NTM: variants seen among roughly 807,000 people sequenced by gnomAD.
NTM encodes neurotrimin, also known as IgLON family member 2.
Under a neutral mutation model 42.1 loss-of-function variants are expected in NTM, and 13 were observed. That is an observed-to-expected ratio of 0.31 (90% confidence interval 0.20 to 0.49). The LOEUF (loss-of-function observed/expected upper bound fraction) is 0.49, where lower values mean the gene tolerates loss of function less well. Among genes scored for constraint, NTM ranks in the 20% least tolerant of loss-of-function variants. The pLI is 0.99. For missense variants in NTM, 373 were observed against 452.8 expected (o/e 0.82, Z 1.60); for synonymous variants, 187 against 179.2 (o/e 1.04, Z -0.35).
At chr11:132,298,255 A>G (rs2094699790) in intron 4 of NTM, among the ~76,000 whole-genome samples, 1 of 152,234 alleles carries the variant, frequency 6.6e-6, no homozygotes, top group Non-Finnish European at 1.5e-5. Flanking sequence ...GCGGAGTGCT[A>G]TATTTATCCC....
chr11:131,490,148 G>A lies in NTM; in HGVS notation c.82+119260G>A, dbSNP rs151024805. On this transcript the variant is annotated intron_variant, in intron 1 of 8. Transcript: ENST00000683400. ...CTCACTACCGGGAGAATGACACCAA[G>A]TCATTCATGAGGGAACCATCCCTAT... is the stretch of plus-strand genomic sequence containing the variant. Among the ~76,000 whole-genome samples, 4 of 152,270 alleles carry A rather than the reference G, an allele frequency of 2.6e-5. No homozygotes were observed. The East Asian group carries it at 7.7e-4, about 29-fold the overall frequency.
At chr11:131,477,169 A>AATTTGT (rs1258995667) in intron 1 of NTM, among the ~76,000 whole-genome samples, 2 of 152,158 alleles carry the variant, frequency 1.3e-5, no homozygotes, top group African/African-American at 4.8e-5. Context: ...TCCATGTAAG[A>AATTTGT]ATCACATCTA....
chr11:131,945,934 G>A (rs1488010280), intron 2 of NTM, among the ~76,000 whole-genome samples: 1 of 152,208 alleles, frequency 6.6e-6, no homozygotes, highest in African/African-American at 2.4e-5. Flanking sequence ...CAGGCGGATA[G>A]TATATTCCAT....
intron 1 of NTM, among the ~76,000 whole-genome samples, chr11:131,528,715 A>G (rs1425242396): frequency 6.6e-6 from 1 of 152,184 alleles, no homozygotes; most frequent in East Asian, 1.9e-4. Flanking sequence ...CAGAGTAAGT[A>G]TTCAGTAAGT....
intron 1 of NTM, among the ~76,000 whole-genome samples, chr11:131,824,459 G>C (rs1056241508): frequency 6.6e-6 from 1 of 152,166 alleles, no homozygotes; most frequent in African/African-American, 2.4e-5. Context: ...GATAATAAAA[G>C]GTAATGCGGC....
intron 4 of NTM, among the ~76,000 whole-genome samples, chr11:132,276,114 G>T (rs532535102): frequency 2.3e-4 from 35 of 151,876 alleles, no homozygotes; most frequent in African/African-American, 8.5e-4. Context: ...TCTGTGTCTG[G>T]CTTATTTCAC....
At chr11:131,928,888 G>C (rs978253893) in intron 2 of NTM, among the ~76,000 whole-genome samples, 2 of 152,214 alleles carry the variant, frequency 1.3e-5, no homozygotes, top group African/African-American at 4.8e-5. Context: ...CAGCAAGTCA[G>C]GTGAAAATCC....
chr11:131,445,157 T>C (rs1391273402), intron 1 of NTM, among the ~76,000 whole-genome samples: 1 of 152,234 alleles, frequency 6.6e-6, no homozygotes, highest in Non-Finnish European at 1.5e-5. Flanking sequence ...AATATTTAAC[T>C]TTCCTCCCAA....
At chr11:132,028,320 T>A (rs2075461846) in intron 2 of NTM, among the ~76,000 whole-genome samples, 1 of 150,832 alleles carries the variant, frequency 6.6e-6, no homozygotes, top group African/African-American at 2.4e-5. Context: ...TATACTGGGG[T>A]AAAAGAAACT....
intron 1 of NTM, among the ~76,000 whole-genome samples, chr11:131,650,517 A>G (rs540747954): frequency 2.0e-5 from 3 of 152,314 alleles, no homozygotes; most frequent in Non-Finnish European, 2.9e-5. Flanking sequence ...TTCTCAGTAA[A>G]GACTATTTTA....
At chr11:131,756,656 C>A (rs527887035) in intron 1 of NTM, among the ~76,000 whole-genome samples, 2 of 152,148 alleles carry the variant, frequency 1.3e-5, no homozygotes, top group Admixed American at 6.5e-5. Context: ...GCACTGCACT[C>A]CAACTTGGGT....
chr11:131,569,574 CT>C (rs371565373), intron 1 of NTM, among the ~76,000 whole-genome samples: 1,397 of 130,828 alleles, frequency 0.011, 8 homozygotes, highest in African/African-American at 0.025. Flanking sequence ...TTTCTTCTCT[CT>C]TTTTTTTTTT....
chr11:131,484,786 C>A (rs1157403460), intron 1 of NTM, among the ~76,000 whole-genome samples: 1 of 152,132 alleles, frequency 6.6e-6, no homozygotes, highest in Admixed American at 6.6e-5. Flanking sequence ...GCTGTGAATA[C>A]CTCCTAAGCA....
At chr11:131,990,907 A>G (rs1166744974) in intron 2 of NTM, among the ~76,000 whole-genome samples, 1 of 152,150 alleles carries the variant, frequency 6.6e-6, no homozygotes, top group Non-Finnish European at 1.5e-5. Context: ...CTGTTTTTAT[A>G]GTGAGCGGGC....
intron 1 of NTM, among the ~76,000 whole-genome samples, chr11:131,469,855 T>C (rs1952262736): frequency 6.6e-6 from 1 of 152,226 alleles, no homozygotes; most frequent in Non-Finnish European, 1.5e-5. Context: ...TCATTATCAC[T>C]ATATAGATTT....
At chr11:131,837,774 C>G (rs1218976657) in intron 1 of NTM, among the ~76,000 whole-genome samples, 1 of 151,982 alleles carries the variant, frequency 6.6e-6, no homozygotes, top group Non-Finnish European at 1.5e-5. Context: ...AGGCCCCACG[C>G]TGGGGGAGCC....
chr11:131,633,543 A>C (rs1479781479), intron 1 of NTM, among the ~76,000 whole-genome samples: 1,287 of 104,652 alleles, frequency 0.012, no homozygotes, highest in Middle Eastern at 0.048. Context: ...CTCTCTCTCT[A>C]TCTCTATCTC....
chr11:131,695,951 G>A (rs917700411), intron 1 of NTM, among the ~76,000 whole-genome samples: 1 of 152,130 alleles, frequency 6.6e-6, no homozygotes, highest in Non-Finnish European at 1.5e-5. Flanking sequence ...CAGTATGTGT[G>A]CCGCTCAAAG....
At chr11:131,461,520 G>C (rs1009078663) in intron 1 of NTM, among the ~76,000 whole-genome samples, 1 of 152,222 alleles carries the variant, frequency 6.6e-6, no homozygotes, top group Admixed American at 6.5e-5. Flanking sequence ...AAAGAGATTA[G>C]AAGGGTGCAT....
Sources: gnomAD v4.1 joint callset for allele counts (sites outside exome capture counted in the v4.1 genomes callset) on GRCh38, gnomAD v4.1.1 for gene constraint, MANE v1.5 for transcripts, NCBI Gene and HGNC (gene_info 2026-07-23, HGNC 2026-07-21) for gene names.